EVC2: variants seen among roughly 807,000 people sequenced by gnomAD.
EVC2 encodes the protein EvC ciliary complex subunit 2.
Under a neutral mutation model 149.3 loss-of-function variants are expected in EVC2, and 148 were observed. That is an observed-to-expected ratio of 0.99 (90% CI 0.87 to 1.14). The LOEUF (loss-of-function observed/expected upper bound fraction) is 1.14. Among genes scored for constraint, EVC2 ranks in the 50% most tolerant of loss-of-function variants. The pLI, the probability that EVC2 is intolerant of heterozygous loss-of-function variation, is 0.00. For missense variants in EVC2, 1,854 were observed against 1,627.3 expected, an observed-to-expected ratio of 1.14 and a Z score of -2.40; for synonymous variants, 776 against 649.9, an observed-to-expected ratio of 1.19 and a Z score of -2.95.
intron 9 of EVC2, among the ~76,000 whole-genome samples, chr4:5,655,603 C>T (rs549189864): frequency 6.6e-6 from 1 of 152,122 alleles, no homozygotes; most frequent in Non-Finnish European, 1.5e-5. Flanking sequence ...CAGGCCTGCA[C>T]CACCCAAGGG....
At chr4:5,558,653 A>C (rs1192983431), downstream of EVC2, among the ~76,000 whole-genome samples, 3 of 152,212 alleles carry the variant, frequency 2.0e-5, no homozygotes, top group Non-Finnish European at 4.4e-5. Flanking sequence ...CTGCATTTCA[A>C]ATGTAAGAAA....
intron 3 of EVC2, among the ~76,000 whole-genome samples, chr4:5,692,978 A>T (rs527645170): frequency 6.6e-6 from 1 of 152,168 alleles, no homozygotes; most frequent in Admixed American, 6.5e-5. Context: ...CCTCTGATTC[A>T]GTTGAGCTTC....
At chr4:5,681,405 G>C in intron 6 of EVC2, 92 bp from the exon 7 acceptor site, 2 of 1,329,440 alleles carry the variant, frequency 1.5e-6, no homozygotes, top group Non-Finnish European at 2.1e-6. Context: ...CTCCAAGCCT[G>C]GAGCTACAAT....
Position 5,640,027 on chromosome 4 carries a change from G to T in EVC2, c.1470+487C>A, listed in dbSNP as rs894410654. Among the ~76,000 whole-genome samples the T allele has an allele frequency of 6.6e-6, 1 of 152,118 alleles. No individual in the cohort carries two copies. Among genetic ancestry groups the T allele is most frequent in the Non-Finnish European group, 1.5e-5 (1 of 68,026 alleles). On this transcript the variant is annotated intron_variant, in intron 10 of 21. Coordinates refer to ENST00000344408, the MANE Select transcript of EVC2 (RefSeq NM_147127.5). This position sits in a 1 kb window ranked among gnomAD's most constrained non-coding sequence, Gnocchi z 4.6. ...TGGATGGATGGATGGGTGGATGAGTGATAATGGGCAGATGGGTGGACGGGT... is the reference window on the plus strand; with the variant it reads ...TGGATGGATGGATGGGTGGATGAGTTATAATGGGCAGATGGGTGGACGGGT...
chr4:5,706,555 T>C (rs1461091551), intron 1 of EVC2, among the ~76,000 whole-genome samples: 3 of 151,832 alleles, frequency 2.0e-5, no homozygotes, highest in Admixed American at 1.3e-4. Flanking sequence ...TAGGAAGAAC[T>C]AACCTGTGCC....
At position 5,663,142 on chromosome 4, in the gene EVC2, G is replaced by C; in HGVS notation, c.1110C>G (p.Ser370=). ...LNDQMIDILS[S]EDPGSMLQAL... is the part of the protein sequence containing the mutation. ...CTTGAAGCATGCTCCCAGGGTCCTCGGAAGACAGAATGTCTATCATTTGGT... is the reference window on the plus strand; with the variant it reads ...CTTGAAGCATGCTCCCAGGGTCCTCCGAAGACAGAATGTCTATCATTTGGT... The change falls in exon 9 of 22, where the codon TCC becomes TCG. Residue 370 remains serine, a synonymous_variant. Coordinates refer to ENST00000344408, the MANE Select transcript of EVC2 (RefSeq NM_147127.5). 4 of 1,614,080 alleles carry C rather than the reference G, an allele frequency of 2.5e-6. No individual in the cohort carries two copies. The highest frequency in any genetic ancestry group is 3.4e-6 in the Non-Finnish European group (4 of 1,180,002).
intron 17 of EVC2, among the ~76,000 whole-genome samples, chr4:5,580,179 A>C (rs897882934): frequency 6.6e-6 from 1 of 152,224 alleles, no homozygotes; most frequent in African/African-American, 2.4e-5. Context: ...GCCCATTCCC[A>C]ATAGGAAAGT....
At chr4:5,687,623 C>G (rs774874800) in intron 5 of EVC2, among the ~76,000 whole-genome samples, 12 of 152,060 alleles carry the variant, frequency 7.9e-5, no homozygotes, top group Admixed American at 2.0e-4. Context: ...AAGGTGACAC[C>G]AGGGCCAGGT....
exon 22 of EVC2, chr4:5,543,202 G>T: frequency 7.8e-7 from 1 of 1,289,690 alleles, no homozygotes; most frequent in South Asian, 1.2e-5. Flanking sequence ...AAGCTCTCTT[G>T]GTTCCCTGAC....
At position 5,694,360 on chromosome 4, in the gene EVC2, C is replaced by T; in HGVS notation, c.425G>A (p.Arg142Lys). ...CAGGCGGTGTGTTATAGGAGACTCT[C>T]TTTTAAATAAGTTCTTCTTAGGCCA... ...PSWPKKNLFK[R>K]ESPITHRLYG... Residue 142 changes from arginine (R) to lysine (K), a missense_variant, in exon 3 of 22, where the codon AGA becomes AAA. Arg to Lys is a conservative substitution (Grantham distance 26). Transcript: ENST00000344408. 6.2e-7 allele frequency: 1 copy of T among 1,614,042 alleles called. No individual in the cohort carries two copies. Among genetic ancestry groups the T allele is most frequent in the African/African-American group, 1.3e-5 (1 of 75,008 alleles).
At chr4:5,651,079 A>G (rs924020476) in intron 9 of EVC2, among the ~76,000 whole-genome samples, 2 of 152,068 alleles carry the variant, frequency 1.3e-5, no homozygotes, top group Admixed American at 6.5e-5. Context: ...CAGATGGGTG[A>G]AGGGCTAGAT....
intron 1 of EVC2, among the ~76,000 whole-genome samples, chr4:5,707,710 T>A (rs1722303985): frequency 6.6e-6 from 1 of 151,934 alleles, no homozygotes; most frequent in Non-Finnish European, 1.5e-5. Context: ...ACCAGCTTTG[T>A]CGGGGGAGGT....
chr4:5,584,753 G>A lies in EVC2; in HGVS notation c.2927C>T (p.Ser976Phe). The change falls in exon 17 of 22, where the codon TCC becomes TTC. Residue 976 changes from serine to phenylalanine, a missense_variant. Coordinates refer to ENST00000344408, the MANE Select transcript of EVC2 (RefSeq NM_147127.5). ...GGCCGACAGAGTCTCGGTCACCCGG[G>A]ACGCCTTCTGGAACTGCAGAGCAAC... ...SLVALQFQKA[S>F]RVTETLSAYT... The A allele has an allele frequency of 6.2e-7, 1 of 1,614,164 alleles. No individual in the cohort carries two copies. The highest frequency in any genetic ancestry group is 8.5e-7 in the Non-Finnish European group (1 of 1,180,042).
At chr4:5,548,464 T>C (rs1721664597) in intron 21 of EVC2, among the ~76,000 whole-genome samples, 2 of 151,198 alleles carry the variant, frequency 1.3e-5, no homozygotes, top group East Asian at 2.0e-4. Flanking sequence ...CCACCTTGCC[T>C]ACTTCTAAGT....
intron 2 of EVC2, among the ~76,000 whole-genome samples, chr4:5,695,240 C>T (rs1035890207): frequency 2.0e-5 from 3 of 151,268 alleles, no homozygotes; most frequent in East Asian, 3.9e-4. Context: ...CCCAGCTATT[C>T]GGGAGGGTGA....
At chr4:5,629,966 T>C (rs139816288) in intron 11 of EVC2, among the ~76,000 whole-genome samples, 1 of 152,236 alleles carries the variant, frequency 6.6e-6, no homozygotes, top group South Asian at 2.1e-4. Flanking sequence ...TCATTCACAA[T>C]AGCATGCATT....
At chr4:5,619,577 G>A (rs929717552) in intron 14 of EVC2, among the ~76,000 whole-genome samples, 3 of 152,200 alleles carry the variant, frequency 2.0e-5, no homozygotes, top group Non-Finnish European at 4.4e-5. Context: ...AACAGTGGGA[G>A]AATATATTTC....
intron 3 of EVC2, among the ~76,000 whole-genome samples, chr4:5,694,100 G>A (rs868401370): frequency 1.3e-5 from 2 of 152,178 alleles, no homozygotes; most frequent in African/African-American, 2.4e-5. Flanking sequence ...CACCAGATGA[G>A]GCAGCCTAAT....
intron 20 of EVC2, among the ~76,000 whole-genome samples, chr4:5,568,096 C>A (rs1366428166): frequency 6.6e-6 from 1 of 152,180 alleles, no homozygotes; most frequent in South Asian, 2.1e-4. Flanking sequence ...CACATGCTCC[C>A]ACACTTGCAG....
Sources: gnomAD v4.1 joint callset for allele counts (sites outside exome capture counted in the v4.1 genomes callset) on GRCh38, gnomAD v4.1.1 for gene constraint, Gnocchi (gnomAD v3.1) non-coding constraint, MANE v1.5 for transcripts, NCBI Gene and HGNC (gene_info 2026-07-23, HGNC 2026-07-21) for gene names.